Variants in VAV2 observed in about 807,000 individuals in gnomAD.
VAV2 encodes vav guanine nucleotide exchange factor 2, also known as guanine nucleotide exchange factor VAV2.
Under a neutral mutation model 132.5 loss-of-function variants are expected in VAV2, and 67 were observed. The ratio of observed to expected loss-of-function variants is 0.51; its 90% CI spans 0.42 to 0.62. The LOEUF (loss-of-function observed/expected upper bound fraction) is 0.62, where lower values mean the gene tolerates loss of function less well. Ranked by LOEUF, VAV2 falls within the 20% of genes least tolerant of loss-of-function variation. The pLI is 0.00. For missense variants in VAV2, 938 were observed against 1,153.6 expected (o/e 0.81, Z 2.71); for synonymous variants, 492 against 443.5 (o/e 1.11, Z -1.37).
chr9:133,818,774 CTCT>C (rs1835669512), intron 4 of VAV2, among the ~76,000 whole-genome samples: 1 of 152,192 alleles, frequency 6.6e-6, no homozygotes, highest in African/African-American at 2.4e-5. Flanking sequence ...CTTCTATTGA[CTCT>C]TCTTTTCTGA....
intron 1 of VAV2, among the ~76,000 whole-genome samples, chr9:133,942,395 C>T (rs2132148142): frequency 6.6e-6 from 1 of 152,300 alleles, no homozygotes; most frequent in South Asian, 2.1e-4. Context: ...GGCCTGCAGC[C>T]CTGGGAACAA....
At position 133,797,734 on chromosome 9, in the gene VAV2, C is replaced by A. The variant is rs1278170505; in HGVS notation, c.912G>T (p.Arg304=). ...QNTLNQLLAS[R]EDFRQKVEEC... is the part of the protein sequence containing the mutation. ...CCTCGACTTTCTGCCTGAAGTCCTC[C>A]CGGCTGGCCAGGAGCTGGTTCAGTG... is the stretch of plus-strand genomic sequence containing the variant. The change falls in exon 10 of 30, where the codon CGG becomes CGT. Residue 304 remains arginine, a synonymous_variant. Transcript: ENST00000371850. The A allele has an allele frequency of 6.2e-7, 1 of 1,614,094 alleles. No homozygotes were observed. The highest frequency in any genetic ancestry group is 8.5e-7 in the Non-Finnish European group (1 of 1,179,988).
At chr9:133,798,425 C>T (rs764924227) in intron 9 of VAV2, among the ~76,000 whole-genome samples, 2 of 152,188 alleles carry the variant, frequency 1.3e-5, no homozygotes, top group East Asian at 1.9e-4. Flanking sequence ...TCCTGCCCAC[C>T]GCCTCCTCCT....
Position 133,826,580 on chromosome 9 carries a change from C to T in VAV2, c.449+7692G>A, listed in dbSNP as rs1237622686. 1.3e-5 allele frequency among the ~76,000 whole-genome samples: 2 copies of T among 152,166 alleles called. No individual in the cohort carries two copies. Among genetic ancestry groups the T allele is most frequent in the African/African-American group, 2.4e-5 (1 of 41,432 alleles). The stretch of plus-strand genomic sequence containing the variant: ...GGATGCTCCTGGTGGGGCATGTTTA[C>T]CAGCTGGCTGTCAGACATCTAGCAG... On this transcript the variant is annotated intron_variant, in intron 4 of 29. Coordinates refer to ENST00000371850, the MANE Select transcript of VAV2 (RefSeq NM_001134398.2). The surrounding 1 kb of genome is among the most constrained non-coding windows in gnomAD (Gnocchi z 4.2).
chr9:133,779,868 G>A (rs1182280156), intron 21 of VAV2, 50 bp downstream of exon 21: 3 of 1,601,214 alleles, frequency 1.9e-6, no homozygotes, highest in East Asian at 2.2e-5. Flanking sequence ...CAGCTCCCAG[G>A]TGATGGCTGA....
At chr9:133,913,044 G>A (rs1027246576) in intron 2 of VAV2, among the ~76,000 whole-genome samples, 1 of 152,202 alleles carries the variant, frequency 6.6e-6, no homozygotes, top group African/African-American at 2.4e-5. Flanking sequence ...TTCGCAGACC[G>A]TGCAAACCTC....
At chr9:133,945,069 A>G (rs1841311973) in intron 1 of VAV2, among the ~76,000 whole-genome samples, 1 of 152,194 alleles carries the variant, frequency 6.6e-6, no homozygotes, top group Admixed American at 6.5e-5. Flanking sequence ...CCTAATTTAC[A>G]GATGAGGAAA....
At chr9:133,949,830 G>A (rs1841494543) in intron 1 of VAV2, among the ~76,000 whole-genome samples, 1 of 152,194 alleles carries the variant, frequency 6.6e-6, no homozygotes, top group African/African-American at 2.4e-5. Flanking sequence ...GTGGCTCAAG[G>A]CCAGGAGGTC....
chr9:133,777,507 G>A lies in VAV2; in HGVS notation c.1891-44C>T, dbSNP rs761317891. 1.9e-6 allele frequency: 3 copies of A among 1,589,434 alleles called. No homozygotes were observed. In the African/African-American group the frequency reaches 4.0e-5, roughly 21 times the overall value. On this transcript the variant is annotated intron_variant, in intron 22 of 29. Transcript: ENST00000371850. ...GGTTAGGACAAGGGGGCCGAGCCTG[G>A]CCTATGGGAGTGTGGGGCCATTTAG...
chr9:133,851,052 T>C (rs1036521174), intron 3 of VAV2, among the ~76,000 whole-genome samples: 1 of 152,228 alleles, frequency 6.6e-6, no homozygotes, highest in Non-Finnish European at 1.5e-5. Flanking sequence ...CTGAGGCACA[T>C]TTTTCTCCAG....
chr9:133,788,281 G>C lies in VAV2; in HGVS notation c.1407+73C>G, dbSNP rs1185368716. ...TGACTTCGAGTCCCCTTCCCCTGGG[G>C]TCTGGAACCCAGTGCCTCTCTCCAG... On this transcript the variant is annotated intron_variant, in intron 15 of 29. Transcript: ENST00000371850. This position sits in a 1 kb window ranked among gnomAD's most constrained non-coding sequence, Gnocchi z 5.3. The C allele has an allele frequency of 1.9e-6, 3 of 1,559,286 alleles. No individual in the cohort carries two copies. The highest frequency in any genetic ancestry group is 2.6e-6 in the Non-Finnish European group (3 of 1,140,132).
intron 3 of VAV2, among the ~76,000 whole-genome samples, chr9:133,853,350 G>C (rs1480121724): frequency 6.6e-6 from 1 of 152,136 alleles, no homozygotes; most frequent in African/African-American, 2.4e-5. Context: ...GCTTGGTACA[G>C]AGCTGCCCCC....
At chr9:133,971,911 C>T (rs936561691) in intron 1 of VAV2, among the ~76,000 whole-genome samples, 60 of 152,168 alleles carry the variant, frequency 3.9e-4, no homozygotes, top group Admixed American at 2.7e-3. Flanking sequence ...GGCTGCAGAT[C>T]CCCGAGCCCT....
intron 1 of VAV2, among the ~76,000 whole-genome samples, chr9:133,956,702 G>C (rs936263359): frequency 1.3e-5 from 2 of 152,208 alleles, no homozygotes; most frequent in African/African-American, 4.8e-5. Flanking sequence ...AGCACCAGGG[G>C]GCGAGGGAGC....
chr9:133,841,580 C>A (rs55939286), intron 3 of VAV2, among the ~76,000 whole-genome samples: 16,663 of 152,186 alleles, frequency 0.11, 966 homozygotes, highest in South Asian at 0.14. Context: ...GGCCAACATG[C>A]AGCTCCCAGG....
At chr9:133,860,454 GC>G (rs1396013793) in intron 3 of VAV2, among the ~76,000 whole-genome samples, 1 of 152,038 alleles carries the variant, frequency 6.6e-6, no homozygotes, top group African/African-American at 2.4e-5. Context: ...TGAGCAAATG[GC>G]CCCCACCAAG....
rs138586137 is a variant in VAV2 at position 133,826,712 on chromosome 9, C to T, written c.449+7560G>A. Among the ~76,000 whole-genome samples the T allele has an allele frequency of 2.4e-4, 36 of 152,304 alleles. No individual in the cohort carries two copies. The highest frequency in any genetic ancestry group is 8.2e-4 in the African/African-American group (34 of 41,552). ...CTCATGTCCATGTCCTTCCTTTGGCCTCTCTTCTGCCCTGAGTGGGAGCTT... is the reference window on the plus strand; with the variant it reads ...CTCATGTCCATGTCCTTCCTTTGGCTTCTCTTCTGCCCTGAGTGGGAGCTT... On this transcript the variant is annotated intron_variant, in intron 4 of 29. Coordinates refer to ENST00000371850, the MANE Select transcript of VAV2 (RefSeq NM_001134398.2). This position sits in a 1 kb window ranked among gnomAD's most constrained non-coding sequence, Gnocchi z 4.2.
At chr9:133,792,909 C>T (rs1201192231) in intron 12 of VAV2, among the ~76,000 whole-genome samples, 1 of 152,154 alleles carries the variant, frequency 6.6e-6, no homozygotes, top group African/African-American at 2.4e-5. Context: ...CTTTCTACCC[C>T]ATCACGTGGT....
rs550498585 is a variant in VAV2, at chr9:133,789,149, C to T, written c.1274+109G>A. The T allele has an allele frequency of 1.5e-4, 185 of 1,215,898 alleles. No individual in the cohort carries two copies. The Middle Eastern group carries it at 2.6e-3, about 17-fold the overall frequency. The allele number at this position is 1,215,898 out of a possible 1,614,324, so 75.3% of individuals were successfully genotyped here. ...AACACAAAGCCACCGCCAGGCAGCTCTTTCCACAGGAAGGCCTGGCTTCCA... is the reference window on the plus strand; with the variant it reads ...AACACAAAGCCACCGCCAGGCAGCTTTTTCCACAGGAAGGCCTGGCTTCCA... On this transcript the variant is annotated intron_variant, in intron 14 of 29. Transcript: ENST00000371850.
Sources: allele counts gnomAD v4.1 joint callset (sites outside exome capture counted in the v4.1 genomes callset), GRCh38; gene constraint gnomAD v4.1.1; non-coding constraint Gnocchi (gnomAD v3.1); transcripts MANE v1.5; gene names NCBI Gene and HGNC (gene_info 2026-07-23, HGNC 2026-07-21).